Variants in KIAA1328 observed in about 807,000 individuals in gnomAD.
KIAA1328 encodes protein hinderin.
Under a neutral mutation model 68.1 loss-of-function variants are expected in KIAA1328, and 52 were observed. The observed-to-expected ratio is 0.76, with a 90% CI of 0.61 to 0.96. The LOEUF (loss-of-function observed/expected upper bound fraction) is 0.96. Among genes scored for constraint, KIAA1328 ranks in the 40% least tolerant of loss-of-function variants. The probability of loss-of-function intolerance (pLI) is 0.00; values close to 1 mark genes in which losing one functional copy is unlikely to be tolerated. For synonymous variants in KIAA1328, 232 were observed against 239.4 expected, an observed-to-expected ratio of 0.97 and a Z score of 0.28; for missense variants, 641 against 677.6, an observed-to-expected ratio of 0.95 and a Z score of 0.60.
intron 5 of KIAA1328, among the ~76,000 whole-genome samples, chr18:36,894,351 A>G (rs564895096): frequency 3.3e-5 from 5 of 152,130 alleles, no homozygotes; most frequent in Non-Finnish European, 7.4e-5. Context: ...ATTTTCTTAT[A>G]TTTTGACATC....
chr18:37,099,938 C>G (rs1302164495), intron 7 of KIAA1328, among the ~76,000 whole-genome samples: 3 of 152,110 alleles, frequency 2.0e-5, no homozygotes, highest in Non-Finnish European at 2.9e-5. Flanking sequence ...GTAGATCTCC[C>G]TCCATCCCTT....
At chr18:37,036,475 C>CAAA (rs1380554777) in intron 6 of KIAA1328, among the ~76,000 whole-genome samples, 1 of 152,198 alleles carries the variant, frequency 6.6e-6, no homozygotes, top group Non-Finnish European at 1.5e-5. Context: ...AAGCCTTTTA[C>CAAA]ATACAACTCA....
chr18:37,172,929 TCTTTTACTGAATGC>T, intron 8 of KIAA1328, 30 bp from the exon 9 acceptor site: 1 of 1,445,326 alleles, frequency 6.9e-7, no homozygotes. Context: ...TTTTCCATTT[TCTTTTACTGAATGC>T]CCAAATTATT....
At chr18:36,960,260 G>A (rs1045787742) in intron 6 of KIAA1328, among the ~76,000 whole-genome samples, 2 of 152,218 alleles carry the variant, frequency 1.3e-5, no homozygotes, top group African/African-American at 4.8e-5. Context: ...AGGGGGAGGG[G>A]CGTCGACCAT....
At chr18:37,054,956 T>C (rs1222513793) in intron 6 of KIAA1328, among the ~76,000 whole-genome samples, 3 of 152,240 alleles carry the variant, frequency 2.0e-5, no homozygotes, top group African/African-American at 7.2e-5. Context: ...ATTTACACTT[T>C]ATTGTGTGCC....
intron 6 of KIAA1328, among the ~76,000 whole-genome samples, chr18:36,999,096 G>T (rs2053497117): frequency 1.3e-5 from 2 of 151,920 alleles, no homozygotes; most frequent in African/African-American, 4.8e-5. Flanking sequence ...GAACCAAACA[G>T]AAATTCTGGA....
At chr18:37,167,359 G>C (rs952579263) in intron 8 of KIAA1328, among the ~76,000 whole-genome samples, 2 of 152,196 alleles carry the variant, frequency 1.3e-5, no homozygotes, top group African/African-American at 2.4e-5. Flanking sequence ...TCTTGCCTTA[G>C]TGTACTGGAA....
intron 9 of KIAA1328, among the ~76,000 whole-genome samples, chr18:37,191,056 T>TA (rs1209806758): frequency 3.9e-5 from 6 of 152,206 alleles, no homozygotes; most frequent in Admixed American, 3.3e-4. Context: ...ATTCCTGCTT[T>TA]ATTCATTTCT....
At chr18:36,971,341 A>G (rs558264700) in intron 6 of KIAA1328, among the ~76,000 whole-genome samples, 2 of 152,276 alleles carry the variant, frequency 1.3e-5, no homozygotes, top group East Asian at 1.9e-4. Flanking sequence ...AACCATAAAA[A>G]CCCTAGAAGA....
At chr18:37,080,726 G>A (rs1484845651) in intron 7 of KIAA1328, among the ~76,000 whole-genome samples, 1 of 150,612 alleles carries the variant, frequency 6.6e-6, no homozygotes, top group Non-Finnish European at 1.5e-5. Flanking sequence ...AGTGCAGTGA[G>A]CCGAGATCGC....
intron 7 of KIAA1328, chr18:37,084,103 T>C: frequency 7.1e-7 from 1 of 1,400,942 alleles, no homozygotes; most frequent in Admixed American, 3.0e-5. Flanking sequence ...AGATTAGAAA[T>C]TTTTTAAATT....
intron 4 of KIAA1328, among the ~76,000 whole-genome samples, chr18:36,877,894 C>G (rs538256281): frequency 9.2e-5 from 14 of 152,024 alleles, no homozygotes; most frequent in African/African-American, 2.9e-4. Flanking sequence ...GTCTCGATCT[C>G]CTGACCTTGC....
chr18:37,120,452 A>C (rs542515911), intron 7 of KIAA1328, among the ~76,000 whole-genome samples: 2 of 152,320 alleles, frequency 1.3e-5, no homozygotes, highest in African/African-American at 4.8e-5. Flanking sequence ...TATAGGAAAG[A>C]AAGGGGGATG....
intron 8 of KIAA1328, among the ~76,000 whole-genome samples, chr18:37,160,724 A>T (rs1456272088): frequency 6.6e-6 from 1 of 152,196 alleles, no homozygotes; most frequent in African/African-American, 2.4e-5. Context: ...GGAAAAATAA[A>T]CCCTAACAAC....
intron 6 of KIAA1328, among the ~76,000 whole-genome samples, chr18:36,978,194 C>T (rs1345900631): frequency 6.6e-6 from 1 of 152,192 alleles, no homozygotes; most frequent in East Asian, 1.9e-4. Flanking sequence ...ATGCTTTGTT[C>T]CTCCAGCAGT....
chr18:37,076,746 A>C (rs535957338), intron 7 of KIAA1328, among the ~76,000 whole-genome samples: 5,103 of 152,090 alleles, frequency 0.034, 304 homozygotes, highest in African/African-American at 0.12. Flanking sequence ...GAAATGGATA[A>C]ATTCCTCGAC....
In KIAA1328 at chr18:37,103,803, TACACACACACACAC is replaced by T. The variant is rs60337954; in HGVS notation, c.1232+36281_1232+36294del. ...ACACAAGGAATAGTTCAATAGCAAATACACACACACACACACACACACACACACACACACACTCC... is the reference window on the plus strand; with the variant it reads ...ACACAAGGAATAGTTCAATAGCAAATACACACACACACACACACACACTCC... On this transcript the variant is annotated intron_variant, in intron 7 of 9. Transcript: ENST00000280020. Among the ~76,000 whole-genome samples, 890 of 145,754 alleles carry T rather than the reference TACACACACACACAC, an allele frequency of 6.1e-3. 9 individuals carry two copies. Among genetic ancestry groups the T allele is most frequent in the African/African-American group, 0.021 (826 of 39,846 alleles).
At chr18:37,135,244 G>A (rs1028340077) in intron 7 of KIAA1328, among the ~76,000 whole-genome samples, 2 of 152,156 alleles carry the variant, frequency 1.3e-5, no homozygotes, top group Admixed American at 1.3e-4. Context: ...TCGAACGGTA[G>A]TGCTGTTTTA....
intron 3 of KIAA1328, among the ~76,000 whole-genome samples, chr18:36,841,591 G>C (rs867692080): frequency 6.6e-6 from 1 of 151,960 alleles, no homozygotes; most frequent in East Asian, 1.9e-4. Context: ...GGGGTTCGCC[G>C]ACTTTTTCTA....
Sources: allele counts gnomAD v4.1 joint callset (sites outside exome capture counted in the v4.1 genomes callset), GRCh38; gene constraint gnomAD v4.1.1; transcripts MANE v1.5; gene names NCBI Gene and HGNC (gene_info 2026-07-23, HGNC 2026-07-21).